TPST1: variants seen among roughly 807,000 people sequenced by gnomAD.
The protein encoded by TPST1 is tyrosylprotein sulfotransferase 1.
A neutral mutation model predicts 34.8 loss-of-function variants in TPST1; 20 were observed. The ratio of observed to expected loss-of-function variants is 0.57; its 90% CI spans 0.40 to 0.84. The LOEUF (loss-of-function observed/expected upper bound fraction) is 0.84. Ranked by LOEUF, TPST1 falls within the 40% of genes least tolerant of loss-of-function variation. The probability of loss-of-function intolerance (pLI) is 0.00; values close to 1 mark genes in which losing one functional copy is unlikely to be tolerated. For synonymous variants in TPST1, 152 were observed against 159.4 expected, an observed-to-expected ratio of 0.95 and a Z score of 0.35; for missense variants, 353 against 455.5, an observed-to-expected ratio of 0.78 and a Z score of 2.05.
chr7:66,324,742 A>G (rs1791824554), intron 3 of TPST1, among the ~76,000 whole-genome samples: 1 of 143,134 alleles, frequency 7.0e-6, no homozygotes, highest in Non-Finnish European at 1.5e-5. Flanking sequence ...GAGGTTTTGC[A>G]GTGATCCAAG....
intron 3 of TPST1, among the ~76,000 whole-genome samples, chr7:66,331,909 G>A (rs1792002082): frequency 2.0e-5 from 3 of 152,014 alleles, no homozygotes; most frequent in East Asian, 1.9e-4. Context: ...GAGGCATCTC[G>A]GTTGTTCTTG....
intron 3 of TPST1, among the ~76,000 whole-genome samples, chr7:66,313,607 A>C (rs765651505): frequency 6.6e-6 from 1 of 152,150 alleles, no homozygotes; most frequent in Admixed American, 6.5e-5. Context: ...AATAGAATCT[A>C]TATCGTTCCT....
rs972179010 is a variant in TPST1 at position 66,359,868 on chromosome 7, T to G, written c.*30-27T>G. 33 of 456,602 alleles carry G rather than the reference T, an allele frequency of 7.2e-5. 1 individual carries two copies. The highest frequency in any genetic ancestry group is 6.2e-4 in the African/African-American group (31 of 50,100). The allele number at this position is 456,602 out of a possible 1,614,324, so 28.3% of individuals were successfully genotyped here. On this transcript the variant is annotated intron_variant, in intron 5 of 5. Coordinates refer to ENST00000304842, the MANE Select transcript of TPST1 (RefSeq NM_003596.4). Reference sequence around the variant, plus strand: ...AGAACACACCGGGACTCCACACCTGTAACCACATTCTGTTTGTTCGCCCTA... The same window carrying G: ...AGAACACACCGGGACTCCACACCTGGAACCACATTCTGTTTGTTCGCCCTA...
Position 66,207,784 on chromosome 7 carries a change from T to C in TPST1, c.-102+2262T>C, listed in dbSNP as rs528988518. 8.5e-5 allele frequency among the ~76,000 whole-genome samples: 13 copies of C among 152,326 alleles called. No homozygotes were observed. The South Asian group carries it at 2.7e-3, about 32-fold the overall frequency. On this transcript the variant is annotated intron_variant, in intron 1 of 5. Transcript: ENST00000304842. Reference sequence around the variant, plus strand: ...TATGTGGATGCTTGATTACTTCAAATGTGGTTACCTTTTCCTTCCCTTTCT... The same window carrying C: ...TATGTGGATGCTTGATTACTTCAAACGTGGTTACCTTTTCCTTCCCTTTCT...
At position 66,231,608 on chromosome 7, in the gene TPST1, C is replaced by T. The variant is rs181532467; in HGVS notation, c.-101-8717C>T. ...TGCTAAGCCCCTCATTGCCCGGGGC[C>T]GGCAGGGCCAGCCAGCTGCTCCGAG... On this transcript the variant is annotated intron_variant, in intron 1 of 5. Coordinates refer to ENST00000304842, the MANE Select transcript of TPST1 (RefSeq NM_003596.4). 3.0e-4 allele frequency among the ~76,000 whole-genome samples: 45 copies of T among 152,368 alleles called. No homozygotes were observed. In the East Asian group the frequency reaches 6.6e-3, roughly 22 times the overall value.
intron 1 of TPST1, among the ~76,000 whole-genome samples, chr7:66,234,233 A>T (rs922350291): frequency 1.3e-5 from 2 of 152,112 alleles, no homozygotes; most frequent in African/African-American, 4.8e-5. Flanking sequence ...TTTTTCTTGG[A>T]ATGCTCTTCC....
intron 3 of TPST1, among the ~76,000 whole-genome samples, chr7:66,331,725 A>G (rs1791998342): frequency 6.6e-6 from 1 of 151,884 alleles, no homozygotes; most frequent in South Asian, 2.1e-4. Flanking sequence ...GCCTTTTATA[A>G]TTTCTGTTTC....
chr7:66,218,969 C>G (rs932260560), intron 1 of TPST1, among the ~76,000 whole-genome samples: 1 of 151,938 alleles, frequency 6.6e-6, no homozygotes, highest in African/African-American at 2.4e-5. Context: ...CAACCTCTGC[C>G]TCCCCGGTTT....
chr7:66,295,930 T>C (rs1791183138), intron 3 of TPST1, among the ~76,000 whole-genome samples: 1 of 152,234 alleles, frequency 6.6e-6, no homozygotes, highest in Admixed American at 6.5e-5. Context: ...AGCCACTCTT[T>C]AAAGTTTTAT....
chr7:66,275,874 C>T (rs1184204004), intron 2 of TPST1, among the ~76,000 whole-genome samples: 1 of 151,924 alleles, frequency 6.6e-6, no homozygotes, highest in Non-Finnish European at 1.5e-5. Context: ...TAAATGTTCT[C>T]ATGACAAAAA....
At chr7:66,336,542 T>A (rs1237842922) in intron 3 of TPST1, among the ~76,000 whole-genome samples, 2 of 152,060 alleles carry the variant, frequency 1.3e-5, no homozygotes, top group Non-Finnish European at 2.9e-5. Context: ...GGACAGAACA[T>A]ATGAAATTAC....
In TPST1 at chr7:66,305,022, T is replaced by C. The variant is rs533794608; in HGVS notation, c.1044+18313T>C. ...TGTAGAGACAAGAGGTATCACTGTG[T>C]TGCCCAGGCTGCTCTTGAACTCCTG... is the stretch of plus-strand genomic sequence containing the variant. On this transcript the variant is annotated intron_variant, in intron 3 of 5. Coordinates refer to ENST00000304842, the MANE Select transcript of TPST1 (RefSeq NM_003596.4). Among the ~76,000 whole-genome samples the C allele has an allele frequency of 3.9e-5, 6 of 152,244 alleles. No individual in the cohort carries two copies. The East Asian group carries it at 1.2e-3, about 29-fold the overall frequency.
chr7:66,226,773 A>G (rs1189832695), intron 1 of TPST1, among the ~76,000 whole-genome samples: 1 of 152,192 alleles, frequency 6.6e-6, no homozygotes, highest in Admixed American at 6.5e-5. Context: ...GCTTGAATAT[A>G]TGGCAAGGTA....
chr7:66,342,883 T>C (rs1384451778), intron 3 of TPST1, among the ~76,000 whole-genome samples: 15 of 152,126 alleles, frequency 9.9e-5, no homozygotes, highest in African/African-American at 3.1e-4. Flanking sequence ...GGCCCCACCT[T>C]CAACACTGGG....
intron 2 of TPST1, among the ~76,000 whole-genome samples, chr7:66,255,281 G>C (rs547961441): frequency 6.6e-6 from 1 of 152,084 alleles, no homozygotes; most frequent in South Asian, 2.1e-4. Flanking sequence ...CAAATAGAAA[G>C]AGGCCAGGGT....
rs138862941 is a variant in TPST1 at position 66,276,365 on chromosome 7, C to CATATATATATATATATATATATATAT, written c.846-10130_846-10129insATATATATATATATATATATATATAT. Among the ~76,000 whole-genome samples, 404 of 90,744 alleles carry CATATATATATATATATATATATATAT rather than the reference C, an allele frequency of 4.5e-3. 38 individuals carry two copies. Among genetic ancestry groups the CATATATATATATATATATATATATAT allele is most frequent in the African/African-American group, 0.01 (176 of 16,780 alleles). 59.5% of individuals were successfully genotyped at this position (90,744 alleles called of 152,430 possible). On this transcript the variant is annotated intron_variant, in intron 2 of 5. Transcript: ENST00000304842. Reference sequence around the variant, plus strand: ...TTCTTCTTAAATTTTAAAAACATTTCATATATATATATATATGTATTTTTT... The same window carrying CATATATATATATATATATATATATAT: ...TTCTTCTTAAATTTTAAAAACATTTCATATATATATATATATATATATATATATATATATATATATATGTATTTTTT...
intron 3 of TPST1, among the ~76,000 whole-genome samples, chr7:66,349,907 A>G (rs1792438149): frequency 6.6e-6 from 1 of 152,246 alleles, no homozygotes; most frequent in South Asian, 2.1e-4. Flanking sequence ...GACAATAGGC[A>G]GGCAAAGTAG....
Position 66,309,142 on chromosome 7 carries a change from A to G in TPST1, c.1044+22433A>G, listed in dbSNP as rs567839557. 7.2e-5 allele frequency among the ~76,000 whole-genome samples: 11 copies of G among 152,208 alleles called. No individual in the cohort carries two copies. In the South Asian group the frequency reaches 2.1e-3, roughly 29 times the overall value. ...TGGAACTCCTGACCTCAGGTGATCC[A>G]CCCACCTTGGCCTCCCAAAGTGCTG... On this transcript the variant is annotated intron_variant, in intron 3 of 5. Transcript: ENST00000304842.
chr7:66,308,918 G>A (rs1306527655), intron 3 of TPST1, among the ~76,000 whole-genome samples: 1 of 152,096 alleles, frequency 6.6e-6, no homozygotes, highest in African/African-American at 2.4e-5. Flanking sequence ...TTTATTTTGA[G>A]ACTGAGTTTT....
Sources: gnomAD v4.1 joint callset for allele counts (sites outside exome capture counted in the v4.1 genomes callset) on GRCh38, gnomAD v4.1.1 for gene constraint, MANE v1.5 for transcripts, NCBI Gene and HGNC (gene_info 2026-07-23, HGNC 2026-07-21) for gene names.